The following MARCHF5 variants were observed in gnomAD, a reference collection of about 807,000 sequenced individuals.
The protein encoded by MARCHF5 is membrane associated ring-CH-type finger 5.
MARCHF5 carries 5 observed loss-of-function variants against 36.5 expected under a neutral mutation model. The ratio of observed to expected loss-of-function variants is 0.14; its 90% CI spans 0.07 to 0.29. The LOEUF is 0.29. MARCHF5 is among the 10% of genes least tolerant of loss of function. MARCHF5 has a pLI of 1.00. For synonymous variants in MARCHF5, 103 were observed against 109.9 expected, an observed-to-expected ratio of 0.94 and a Z score of 0.39; for missense variants, 179 against 336.3, an observed-to-expected ratio of 0.53 and a Z score of 3.66.
At chr10:92,314,745 CCCG>C (rs1477861465) in intron 2 of MARCHF5, among the ~76,000 whole-genome samples, 2,084 of 6,682 alleles carry the variant, frequency 0.31, 376 homozygotes, top group African/African-American at 0.36. Flanking sequence ...GCTGCTTCCC[CCCG>C]CCCCCCCCCG....
chr10:92,341,274 GT>G (rs1843574749), intron 3 of MARCHF5, among the ~76,000 whole-genome samples: 1 of 151,930 alleles, frequency 6.6e-6, no homozygotes, highest in Non-Finnish European at 1.5e-5. Flanking sequence ...GTGGTGGCAG[GT>G]TCCTGTAATC....
chr10:92,304,117 T>C (rs1018770677), intron 1 of MARCHF5, among the ~76,000 whole-genome samples: 7 of 152,126 alleles, frequency 4.6e-5, no homozygotes, highest in Non-Finnish European at 1.0e-4. Context: ...GTTGAAAAAT[T>C]GGGGAAATGA....
At chr10:92,331,648 A>G (rs1843436994) in intron 2 of MARCHF5, among the ~76,000 whole-genome samples, 3 of 151,816 alleles carry the variant, frequency 2.0e-5, no homozygotes, top group South Asian at 4.1e-4. Context: ...TAGATGCTTA[A>G]TAAGTACTTA....
At chr10:92,336,599 G>A (rs1227780622) in intron 2 of MARCHF5, among the ~76,000 whole-genome samples, 1 of 152,096 alleles carries the variant, frequency 6.6e-6, no homozygotes, top group East Asian at 1.9e-4. Flanking sequence ...AATGGGGAGT[G>A]TGATGAAGTA....
Position 92,291,370 on chromosome 10 carries a change from T to TGGGTGACGGGTTCGCGGC in MARCHF5, c.-124_-107dup. The TGGGTGACGGGTTCGCGGC allele has an allele frequency of 2.3e-6, 2 of 863,512 alleles. No homozygotes were observed. The highest frequency in any genetic ancestry group is 6.4e-4 in the Middle Eastern group (2 of 3,134). The allele number at this position is 863,512 out of a possible 1,614,324, so 53.5% of individuals were successfully genotyped here. On this transcript the variant is annotated 5_prime_UTR_variant, in exon 1 of 6. Transcript: ENST00000358935. ...GGCTAGCGGAGCTGCCCCGGGAAGC[T>TGGGTGACGGGTTCGCGGC]GGGTGACGGGTTCGCGGCTGCCGCC...
chr10:92,298,654 TC>T (rs755175653), intron 1 of MARCHF5, among the ~76,000 whole-genome samples: 1 of 152,096 alleles, frequency 6.6e-6, no homozygotes, highest in Non-Finnish European at 1.5e-5. Context: ...TACTGCAACC[TC>T]CATCCCCCAC....
intron 1 of MARCHF5, among the ~76,000 whole-genome samples, chr10:92,307,225 A>G (rs1317636446): frequency 3.6e-5 from 5 of 140,694 alleles, no homozygotes; most frequent in African/African-American, 1.5e-4. Flanking sequence ...GCGTGCATGC[A>G]CGCACGTGCC....
At chr10:92,334,069 A>T (rs1843472999) in intron 2 of MARCHF5, among the ~76,000 whole-genome samples, 1 of 152,192 alleles carries the variant, frequency 6.6e-6, no homozygotes, top group African/African-American at 2.4e-5. Flanking sequence ...ATGTACCTGT[A>T]ATCTTAGCTA....
chr10:92,304,208 T>C (rs1843047187), intron 1 of MARCHF5, among the ~76,000 whole-genome samples: 2 of 152,208 alleles, frequency 1.3e-5, no homozygotes, highest in Non-Finnish European at 2.9e-5. Context: ...GAAAACTGCA[T>C]CCATAAATTT....
At chr10:92,294,882 T>A (rs1479874801) in intron 1 of MARCHF5, among the ~76,000 whole-genome samples, 3 of 152,046 alleles carry the variant, frequency 2.0e-5, no homozygotes, top group Non-Finnish European at 4.4e-5. Flanking sequence ...TACAAAAATG[T>A]TAAAAATTAG....
chr10:92,312,183 T>TTA (rs1362506085), intron 2 of MARCHF5, among the ~76,000 whole-genome samples: 1 of 152,308 alleles, frequency 6.6e-6, no homozygotes, highest in East Asian at 1.9e-4. Context: ...GAAATAATTA[T>TTA]TATATATATT....
chr10:92,347,415 G>A (rs1425952183), intron 3 of MARCHF5, among the ~76,000 whole-genome samples: 1 of 151,970 alleles, frequency 6.6e-6, no homozygotes, highest in African/African-American at 2.4e-5. Flanking sequence ...AACTCAGGAG[G>A]TGGAGGTTGC....
In MARCHF5 at chr10:92,353,021, T is replaced by G. The variant is rs1470989049; in HGVS notation, c.*1814T>G. 6.6e-6 allele frequency: 1 copy of G among 152,522 alleles called. No individual in the cohort carries two copies. The highest frequency in any genetic ancestry group is 6.6e-5 in the Admixed American group (1 of 15,256). The allele number at this position is 152,522 out of a possible 1,614,324, so 9.4% of individuals were successfully genotyped here. ...TACTAAAGTTATGCAAACACACAGT[T>G]CCCCATTTACTACATTAATGCCCTT... is the stretch of plus-strand genomic sequence containing the variant. On this transcript the variant is annotated 3_prime_UTR_variant, in exon 6 of 6. Coordinates refer to ENST00000358935, the MANE Select transcript of MARCHF5 (RefSeq NM_017824.5).
chr10:92,291,719 A>G (rs1842869454), intron 1 of MARCHF5, 190 bp downstream of exon 1: 1 of 421,252 alleles, frequency 2.4e-6, no homozygotes, highest in Middle Eastern at 1.2e-3. Flanking sequence ...CCTGGGTCGT[A>G]GACTTTGGGT....
intron 2 of MARCHF5, among the ~76,000 whole-genome samples, chr10:92,324,602 C>T (rs968712970): frequency 1.3e-5 from 2 of 152,102 alleles, no homozygotes; most frequent in African/African-American, 2.4e-5. Flanking sequence ...GACCTCATGC[C>T]GCACCCGGCC....
At chr10:92,318,478 TG>T (rs1287490442) in intron 2 of MARCHF5, among the ~76,000 whole-genome samples, 1 of 151,342 alleles carries the variant, frequency 6.6e-6, no homozygotes, top group Non-Finnish European at 1.5e-5. Context: ...CCCAGCATTT[TG>T]GGAGGACAAG....
chr10:92,317,688 C>G (rs1190491099), intron 2 of MARCHF5, among the ~76,000 whole-genome samples: 2 of 150,654 alleles, frequency 1.3e-5, no homozygotes, highest in African/African-American at 4.9e-5. Context: ...TTAGGATTTT[C>G]TAATATAAGA....
At position 92,322,112 on chromosome 10, in the gene MARCHF5, C is replaced by T. The variant is rs138525670; in HGVS notation, c.238+10775C>T. 8.1e-3 allele frequency among the ~76,000 whole-genome samples: 1,227 copies of T among 151,392 alleles called. 10 individuals carry two copies. Among genetic ancestry groups the T allele is most frequent in the African/African-American group, 0.02 (822 of 41,112 alleles). ...ATATAAAATTAGCCGGGCATGGTGG[C>T]GGGCACCTATAATCCCAGCTACTTG... On this transcript the variant is annotated intron_variant, in intron 2 of 5. Coordinates refer to ENST00000358935, the MANE Select transcript of MARCHF5 (RefSeq NM_017824.5).
intron 2 of MARCHF5, among the ~76,000 whole-genome samples, chr10:92,314,829 C>T (rs1451372621): frequency 1.3e-5 from 2 of 148,750 alleles, no homozygotes; most frequent in Non-Finnish European, 2.9e-5. Context: ...AATCCACCTA[C>T]CTTGGCCTCC....
Sources: gnomAD v4.1 joint callset for allele counts (sites outside exome capture counted in the v4.1 genomes callset) on GRCh38, gnomAD v4.1.1 for gene constraint, MANE v1.5 for transcripts, NCBI Gene and HGNC (gene_info 2026-07-23, HGNC 2026-07-21) for gene names.